The following RHEX variants were observed in gnomAD, a reference collection of about 807,000 sequenced individuals.
RHEX encodes regulator of hemoglobinization and erythroid cell expansion protein.
A neutral mutation model predicts 20.1 loss-of-function variants in RHEX; 18 were observed. That is an observed-to-expected ratio of 0.90 (90% CI 0.62 to 1.33). The LOEUF is 1.33. Among genes scored for constraint, RHEX ranks in the 40% most tolerant of loss-of-function variants. The pLI is 0.00. For missense variants in RHEX, 192 were observed against 214.3 expected (o/e 0.90, Z 0.65); for synonymous variants, 87 against 77.1 (o/e 1.13, Z -0.67).
intron 1 of RHEX, among the ~76,000 whole-genome samples, chr1:206,057,181 T>G (rs1361516960): frequency 6.6e-6 from 1 of 152,260 alleles, no homozygotes; most frequent in East Asian, 1.9e-4. Context: ...ACTAAAAATT[T>G]GTTTTTGCAA....
chr1:206,064,261 G>A, intron 1 of RHEX, among the ~76,000 whole-genome samples: 1 of 136,704 alleles, frequency 7.3e-6, no homozygotes, highest in East Asian at 2.3e-4. Context: ...GGAGGGAGGT[G>A]GGGGGGGTCA....
chr1:206,087,628 A>C (rs1445286819), intron 1 of RHEX, among the ~76,000 whole-genome samples: 6 of 152,204 alleles, frequency 3.9e-5, no homozygotes, highest in African/African-American at 1.4e-4. Context: ...CCACTCGATA[A>C]ATATTTGATT....
At chr1:206,079,812 C>G (rs1290282921) in intron 1 of RHEX, among the ~76,000 whole-genome samples, 2 of 152,164 alleles carry the variant, frequency 1.3e-5, no homozygotes, top group Non-Finnish European at 2.9e-5. Flanking sequence ...TTCGGCCTCC[C>G]AAAGTGCTGG....
At chr1:206,053,939 C>T (rs1662122981) in intron 1 of RHEX, among the ~76,000 whole-genome samples, 1 of 152,222 alleles carries the variant, frequency 6.6e-6, no homozygotes, top group Non-Finnish European at 1.5e-5. Context: ...TTAGACTAAA[C>T]AAGGTCTTAA....
intron 1 of RHEX, among the ~76,000 whole-genome samples, chr1:206,063,147 G>C (rs1553283580): frequency 1.3e-5 from 2 of 152,164 alleles, no homozygotes; most frequent in African/African-American, 2.4e-5. Context: ...AATAGGGAAA[G>C]AGTATTTCAG....
intron 1 of RHEX, among the ~76,000 whole-genome samples, chr1:206,063,457 T>C (rs1249103741): frequency 6.6e-6 from 1 of 152,238 alleles, no homozygotes; most frequent in African/African-American, 2.4e-5. Flanking sequence ...AGCTGGACTA[T>C]ACTGCTGCCA....
chr1:206,100,335 C>T (rs1192876939), intron 4 of RHEX, among the ~76,000 whole-genome samples: 1 of 152,200 alleles, frequency 6.6e-6, no homozygotes, highest in African/African-American at 2.4e-5. Context: ...CAATAGGTCA[C>T]TATTCACAGT....
chr1:206,100,840 G>A (rs1331961471), intron 4 of RHEX, among the ~76,000 whole-genome samples: 1 of 152,184 alleles, frequency 6.6e-6, no homozygotes, highest in Non-Finnish European at 1.5e-5. Flanking sequence ...AGTCAACCTA[G>A]TGTATTTTTT....
chr1:206,070,470 G>GAA (rs112394727), intron 1 of RHEX, among the ~76,000 whole-genome samples: 1 of 150,510 alleles, frequency 6.6e-6, no homozygotes, highest in African/African-American at 2.4e-5. Flanking sequence ...CATCCCCAAA[G>GAA]AAAAAAAAAT....
chr1:206,101,637 A>G, intron 5 of RHEX, 115 bp from the exon 6 acceptor site: 1 of 778,692 alleles, frequency 1.3e-6, no homozygotes, highest in Admixed American at 2.2e-5. Context: ...TTGGACCCAG[A>G]TCTTCCCCAC....
chr1:206,065,931 A>G (rs1452081624), intron 1 of RHEX, among the ~76,000 whole-genome samples: 1 of 152,188 alleles, frequency 6.6e-6, no homozygotes, highest in Admixed American at 6.5e-5. Context: ...TTTAGCCAGG[A>G]CTGGGCTTGG....
chr1:206,071,074 G>A (rs1191559553), intron 1 of RHEX, among the ~76,000 whole-genome samples: 6 of 152,148 alleles, frequency 3.9e-5, no homozygotes, highest in Admixed American at 3.3e-4. Flanking sequence ...GTAAGATGAG[G>A]AACAAGGAAG....
Position 206,102,209 on chromosome 1 carries a change from G to C in RHEX, c.*257G>C. The C allele has an allele frequency of 2.0e-6, 1 of 508,384 alleles. No homozygotes were observed. Among genetic ancestry groups the C allele is most frequent in the Non-Finnish European group, 3.5e-6 (1 of 283,996 alleles). The allele number at this position is 508,384 out of a possible 1,614,324, so 31.5% of individuals were successfully genotyped here. On this transcript the variant is annotated 3_prime_UTR_variant, in exon 6 of 6. Transcript: ENST00000331555. ...GGCTGGGAAAACAGGCCAATGCCCC[G>C]GCAAGAAAGGTTGAGATCAGATGTT...
chr1:206,059,280 C>T, intron 1 of RHEX, among the ~76,000 whole-genome samples: 1 of 152,276 alleles, frequency 6.6e-6, no homozygotes, highest in East Asian at 1.9e-4. Context: ...CAAAGGGAAA[C>T]TTGGTGAGGT....
At chr1:206,080,642 G>T (rs1281898496) in intron 1 of RHEX, among the ~76,000 whole-genome samples, 1 of 152,118 alleles carries the variant, frequency 6.6e-6, no homozygotes, top group Non-Finnish European at 1.5e-5. Flanking sequence ...ATCACTGTTT[G>T]ATCTCCCCTT....
intron 1 of RHEX, among the ~76,000 whole-genome samples, chr1:206,070,075 G>A (rs551187349): frequency 6.6e-6 from 1 of 152,092 alleles, no homozygotes; most frequent in East Asian, 1.9e-4. Context: ...GTCTTTGTGG[G>A]TTTGGGGCAA....
Position 206,089,563 on chromosome 1 carries a change from T to C in RHEX, c.-96-8170T>C, listed in dbSNP as rs560732031. 4.6e-5 allele frequency among the ~76,000 whole-genome samples: 7 copies of C among 152,310 alleles called. No individual in the cohort carries two copies. The South Asian group carries it at 8.3e-4, about 18-fold the overall frequency. ...ATTTTTCACTTTTATAATGACGCTG[T>C]ACAGAGCTCTTTTGCATAATAGCTT... On this transcript the variant is annotated intron_variant, in intron 1 of 5. Transcript: ENST00000331555.
At chr1:206,071,634 G>A (rs1026584508) in intron 1 of RHEX, among the ~76,000 whole-genome samples, 10 of 150,964 alleles carry the variant, frequency 6.6e-5, no homozygotes, top group African/African-American at 2.2e-4. Context: ...ATCACTTAAG[G>A]CCAGGAGTTC....
chr1:206,063,882 C>CT (rs1553283721), intron 1 of RHEX, among the ~76,000 whole-genome samples: 1 of 151,176 alleles, frequency 6.6e-6, no homozygotes, highest in Non-Finnish European at 1.5e-5. Context: ...GCCCCTCTGC[C>CT]TGGCTGCCCA....
Sources: allele counts gnomAD v4.1 joint callset (sites outside exome capture counted in the v4.1 genomes callset), GRCh38; gene constraint gnomAD v4.1.1; transcripts MANE v1.5; gene names NCBI Gene and HGNC (gene_info 2026-07-23, HGNC 2026-07-21).